The following RPS6KC1 variants were observed in gnomAD, a reference collection of about 807,000 sequenced individuals.
RPS6KC1 encodes the protein ribosomal protein S6 kinase C1.
RPS6KC1 carries 54 observed loss-of-function variants against 103.8 expected under a neutral mutation model. That is an observed-to-expected ratio of 0.52 (90% CI 0.42 to 0.65). The LOEUF (loss-of-function observed/expected upper bound fraction) is 0.65. Among genes scored for constraint, RPS6KC1 ranks in the 30% least tolerant of loss-of-function variants. RPS6KC1 has a pLI of 0.00. For synonymous variants in RPS6KC1, 439 were observed against 438.7 expected, an observed-to-expected ratio of 1.00 and a Z score of -0.01; for missense variants, 1,151 against 1,253.8, an observed-to-expected ratio of 0.92 and a Z score of 1.24.
At chr1:213,319,777 G>A in the RPS6KC1 span, among the ~76,000 whole-genome samples, 9 of 152,140 alleles carry the variant, frequency 5.9e-5, no homozygotes, top group Admixed American at 3.3e-4. Context: ...TCTCCAAACC[G>A]TCATCTTTAA....
intron 6 of RPS6KC1, among the ~76,000 whole-genome samples, chr1:213,137,271 C>T (rs1274402805): frequency 6.6e-6 from 1 of 151,730 alleles, no homozygotes; most frequent in Non-Finnish European, 1.5e-5. Context: ...AAGGCTCTCA[C>T]TTTTTATTTT....
At chr1:213,687,700 G>A in the RPS6KC1 span, among the ~76,000 whole-genome samples, 1 of 152,108 alleles carries the variant, frequency 6.6e-6, no homozygotes, top group Non-Finnish European at 1.5e-5. Context: ...GAGAGACAAA[G>A]CATAAGTATA....
the RPS6KC1 span, among the ~76,000 whole-genome samples, chr1:213,334,680 A>C: frequency 6.6e-6 from 1 of 152,348 alleles, no homozygotes; most frequent in East Asian, 1.9e-4. Context: ...CAGGGTCTGC[A>C]TGAGGGAGGG....
At chr1:213,809,295 C>T in the RPS6KC1 span, among the ~76,000 whole-genome samples, 1 of 152,052 alleles carries the variant, frequency 6.6e-6, no homozygotes, top group Admixed American at 6.6e-5. Flanking sequence ...ATTAAGTTTG[C>T]CATCTTATAT....
intron 8 of RPS6KC1, among the ~76,000 whole-genome samples, chr1:213,180,325 T>C (rs1361770578): frequency 5.3e-5 from 8 of 152,122 alleles, no homozygotes; most frequent in African/African-American, 1.9e-4. Context: ...GGTTTCTCTG[T>C]GAAAAAGGTA....
chr1:213,454,027 T>C, the RPS6KC1 span, among the ~76,000 whole-genome samples: 1 of 152,132 alleles, frequency 6.6e-6, no homozygotes, highest in South Asian at 2.1e-4. Context: ...TGTATGTAGA[T>C]AATAGTCTAT....
At chr1:213,617,413 G>A in the RPS6KC1 span, among the ~76,000 whole-genome samples, 1 of 152,190 alleles carries the variant, frequency 6.6e-6, no homozygotes, top group South Asian at 2.1e-4. Context: ...GGAGATGGAA[G>A]GAGGGGCATC....
the RPS6KC1 span, among the ~76,000 whole-genome samples, chr1:213,767,977 G>A: frequency 6.6e-6 from 1 of 152,200 alleles, no homozygotes; most frequent in Middle Eastern, 3.2e-3. Flanking sequence ...CAGATAGCAG[G>A]TAGGGAAAAG....
At chr1:213,334,718 A>G in the RPS6KC1 span, among the ~76,000 whole-genome samples, 1 of 152,170 alleles carries the variant, frequency 6.6e-6, no homozygotes, top group Non-Finnish European at 1.5e-5. Flanking sequence ...TATTAACTGT[A>G]CAATAAATTT....
the RPS6KC1 span, among the ~76,000 whole-genome samples, chr1:213,646,157 C>A: frequency 1.3e-5 from 2 of 152,128 alleles, no homozygotes; most frequent in African/African-American, 4.8e-5. Context: ...GGGGCAGTTC[C>A]CCCTGAAAGG....
At chr1:213,288,593 A>G in the RPS6KC1 span, among the ~76,000 whole-genome samples, 1 of 152,226 alleles carries the variant, frequency 6.6e-6, no homozygotes, top group African/African-American at 2.4e-5. Context: ...ATTGAATCAG[A>G]GAAAGCCATA....
chr1:213,669,244 T>C, the RPS6KC1 span, among the ~76,000 whole-genome samples: 1 of 152,218 alleles, frequency 6.6e-6, no homozygotes, highest in African/African-American at 2.4e-5. Context: ...GTGAAAGACA[T>C]GTTACTCTTC....
the RPS6KC1 span, among the ~76,000 whole-genome samples, chr1:213,554,142 GT>G: frequency 6.6e-6 from 1 of 152,024 alleles, no homozygotes; most frequent in Non-Finnish European, 1.5e-5. Flanking sequence ...TTCTTCTAGG[GT>G]TTTTATAGTT....
At chr1:213,354,367 C>A in the RPS6KC1 span, among the ~76,000 whole-genome samples, 1 of 152,166 alleles carries the variant, frequency 6.6e-6, no homozygotes, top group African/African-American at 2.4e-5. Context: ...AGAACCCTCT[C>A]ATGTGTATGA....
the RPS6KC1 span, among the ~76,000 whole-genome samples, chr1:213,297,803 G>A: frequency 6.6e-6 from 1 of 152,040 alleles, no homozygotes; most frequent in East Asian, 1.9e-4. Context: ...ATATTTTTGT[G>A]GTAGGGACAA....
At chr1:213,272,135 T>C (rs2095060876) in intron 14 of RPS6KC1, among the ~76,000 whole-genome samples, 1 of 152,214 alleles carries the variant, frequency 6.6e-6, no homozygotes, top group South Asian at 2.1e-4. Flanking sequence ...TTACTGTGCT[T>C]CCCAAATTTT....
At chr1:213,058,472 G>A (rs1418099972) in intron 1 of RPS6KC1, among the ~76,000 whole-genome samples, 2 of 151,284 alleles carry the variant, frequency 1.3e-5, no homozygotes, top group African/African-American at 4.9e-5. Flanking sequence ...AAGGTGTAAG[G>A]TTTGGGTGAA....
chr1:213,554,983 AT>A, the RPS6KC1 span, among the ~76,000 whole-genome samples: 8 of 152,192 alleles, frequency 5.3e-5, no homozygotes, highest in African/African-American at 1.9e-4. Context: ...CAAGGATAGA[AT>A]TTTTTAAAGC....
chr1:213,638,115 G>T, the RPS6KC1 span, among the ~76,000 whole-genome samples: 1 of 151,960 alleles, frequency 6.6e-6, no homozygotes, highest in African/African-American at 2.4e-5. Flanking sequence ...CACTGTTCCT[G>T]GCCTTATTGT....
Sources: allele counts gnomAD v4.1 joint callset (sites outside exome capture counted in the v4.1 genomes callset), GRCh38; gene constraint gnomAD v4.1.1; transcripts MANE v1.5; gene names NCBI Gene and HGNC (gene_info 2026-07-23, HGNC 2026-07-21).